ZNF287: variants seen among roughly 807,000 people sequenced by gnomAD.
ZNF287 encodes the protein zinc finger protein with KRAB and SCAN domains 13.
ZNF287 carries 31 observed loss-of-function variants against 73.7 expected under a neutral mutation model. The ratio of observed to expected loss-of-function variants is 0.42; its 90% confidence interval spans 0.32 to 0.57. The LOEUF is 0.57. Among genes scored for constraint, ZNF287 ranks in the 20% least tolerant of loss-of-function variants. ZNF287 has a pLI of 0.13. For synonymous variants in ZNF287, 301 were observed against 307.2 expected, an observed-to-expected ratio of 0.98 and a Z score of 0.21; for missense variants, 641 against 909.3, an observed-to-expected ratio of 0.70 and a Z score of 3.79.
Position 16,551,908 on chromosome 17 carries a change from G to T in ZNF287, c.2234C>A (p.Thr745Lys). 1 of 1,613,694 alleles carries T rather than the reference G, an allele frequency of 6.2e-7. No homozygotes were observed. Among genetic ancestry groups the T allele is most frequent in the Non-Finnish European group, 8.5e-7 (1 of 1,179,756 alleles). ...RICGKTFTQS[T>K]NLIQHQRVHT... is the part of the protein sequence containing the mutation. Reference sequence around the variant, plus strand: ...AACACGTTGATGCTGAATAAGGTTTGTACTCTGGGTGAAGGTTTTACCACA... The same window carrying T: ...AACACGTTGATGCTGAATAAGGTTTTTACTCTGGGTGAAGGTTTTACCACA... Residue 745 changes from threonine (T) to lysine (K), a missense_variant, in exon 6 of 6, where the codon ACA becomes AAA. Coordinates refer to ENST00000395825, the MANE Select transcript of ZNF287 (RefSeq NM_020653.4).
intron 5 of ZNF287, among the ~76,000 whole-genome samples, chr17:16,555,355 T>C (rs547892201): frequency 6.6e-5 from 10 of 152,296 alleles, no homozygotes; most frequent in African/African-American, 2.4e-4. Context: ...ATGCAGTTTG[T>C]TGTTGACCAA....
intron 5 of ZNF287, among the ~76,000 whole-genome samples, chr17:16,561,961 G>GAATGTTCAAA (rs1374123603): frequency 1.3e-5 from 2 of 152,150 alleles, no homozygotes; most frequent in Non-Finnish European, 2.9e-5. Flanking sequence ...TTATGTAGAA[G>GAATGTTCAAA]AATGTTCACG....
Position 16,567,401 on chromosome 17 carries a change from A to G in ZNF287, c.331T>C (p.Ser111Pro), listed in dbSNP as rs1364431962. Reference protein sequence around the residue: ...LPGEVRTWVKSQYPESSEEAV... With the variant: ...LPGEVRTWVKPQYPESSEEAV... ...TCCTCGCTGCTCTCTGGATACTGGG[A>G]CTTTACCCAAGTCCTAACCTCACCA... Residue 111 changes from serine to proline, a missense_variant, in exon 2 of 6, where the codon TCC becomes CCC. Coordinates refer to ENST00000395825, the MANE Select transcript of ZNF287 (RefSeq NM_020653.4). 6.2e-7 allele frequency: 1 copy of G among 1,614,118 alleles called. No homozygotes were observed. Among genetic ancestry groups the G allele is most frequent in the Admixed American group, 1.7e-5 (1 of 60,022 alleles).
chr17:16,553,002 G>A lies in ZNF287; in HGVS notation c.1140C>T (p.Tyr380=). 2 of 1,613,992 alleles carry A rather than the reference G, an allele frequency of 1.2e-6. No homozygotes were observed. The highest frequency in any genetic ancestry group is 1.7e-6 in the Non-Finnish European group (2 of 1,179,984). ...TACTTTGGTGTTTCAGGAGGGATGG[G>A]TATTTCCTAAATTTTTTCCCACACA... is the stretch of plus-strand genomic sequence containing the variant. ...CNVCGKKFRK[Y]PSLLKHQSTH... The change falls in exon 6 of 6, where the codon TAC becomes TAT. Residue 380 remains tyrosine (Y), a synonymous_variant. Coordinates refer to ENST00000395825, the MANE Select transcript of ZNF287 (RefSeq NM_020653.4).
chr17:16,560,528 T>C (rs1907375152), intron 5 of ZNF287, among the ~76,000 whole-genome samples: 1 of 151,266 alleles, frequency 6.6e-6, no homozygotes, highest in South Asian at 2.1e-4. Context: ...TTTTGTATTT[T>C]CAGTAGAGAC....
At chr17:16,563,361 A>G (rs183321293) in intron 4 of ZNF287, 129 bp from the exon 5 acceptor site, 10 of 652,968 alleles carry the variant, frequency 1.5e-5, no homozygotes, top group Admixed American at 1.5e-4. Flanking sequence ...ACATGATCTA[A>G]TAAGAGAATT....
chr17:16,563,910 G>A (rs1468781355), intron 3 of ZNF287, 85 bp from the exon 4 acceptor site: 1 of 1,474,190 alleles, frequency 6.8e-7, no homozygotes, highest in Non-Finnish European at 9.1e-7. Flanking sequence ...TATGGTGGGG[G>A]ACTGTCACAG....
chr17:16,556,165 G>GACACACACACACACACACAC lies in ZNF287; in HGVS notation c.716-2759_716-2740dup, dbSNP rs137989045. Among the ~76,000 whole-genome samples, 589 of 144,282 alleles carry GACACACACACACACACACAC rather than the reference G, an allele frequency of 4.1e-3. 2 individuals are homozygous for GACACACACACACACACACAC. The highest frequency in any genetic ancestry group is 0.014 in the African/African-American group (556 of 39,722). The allele number at this position is 144,282 out of a possible 152,430, so 94.7% of individuals were successfully genotyped here. ...GCTATTTGTGTTACAGACAGACACA[G>GACACACACACACACACACAC]ACACACACACACACACACACACACA... is the stretch of plus-strand genomic sequence containing the variant. On this transcript the variant is annotated intron_variant, in intron 5 of 5. Coordinates refer to ENST00000395825, the MANE Select transcript of ZNF287 (RefSeq NM_020653.4).
chr17:16,566,645 G>A (rs1907760214), intron 2 of ZNF287, 23 bp from the exon 3 acceptor site: 6 of 1,576,970 alleles, frequency 3.8e-6, no homozygotes, highest in African/African-American at 1.4e-5. Context: ...AAGAGGTCAT[G>A]AGGGAGATTA....
chr17:16,560,757 A>G (rs893428617), intron 5 of ZNF287, among the ~76,000 whole-genome samples: 1 of 151,854 alleles, frequency 6.6e-6, no homozygotes, highest in Non-Finnish European at 1.5e-5. Flanking sequence ...TAATCCCAGC[A>G]CTTTGGGAGG....
At position 16,552,750 on chromosome 17, in the gene ZNF287, A is replaced by G. The variant is rs1219129718; in HGVS notation, c.1392T>C (p.Arg464=). Reference sequence around the variant, plus strand: ...TCCTTTGATGGATGGTAAGGTGTGCACGCTGACTGAAGTCTTTCCCACAGT... The same window carrying G: ...TCCTTTGATGGATGGTAAGGTGTGCGCGCTGACTGAAGTCTTTCCCACAGT... ...CDDCGKDFSQ[R]AHLTIHQRTH... is the part of the protein sequence containing the mutation. Residue 464 remains arginine (R), a synonymous_variant, in exon 6 of 6, where the codon CGT becomes CGC. Coordinates refer to ENST00000395825, the MANE Select transcript of ZNF287 (RefSeq NM_020653.4). The surrounding 1 kb of genome is among the most constrained non-coding windows in gnomAD (Gnocchi z 6.5). 2 of 1,614,068 alleles carry G rather than the reference A, an allele frequency of 1.2e-6. No individual in the cohort carries two copies. The highest frequency in any genetic ancestry group is 1.1e-5 in the South Asian group (1 of 91,078).
At position 16,567,503 on chromosome 17, in the gene ZNF287, A is replaced by T. The variant is rs1248445207; in HGVS notation, c.229T>A (p.Trp77Arg). The change falls in exon 2 of 6, where the codon TGG becomes AGG. Residue 77 changes from tryptophan (W) to arginine (R), a missense_variant. Trp to Arg is a moderately radical substitution (Grantham distance 101). Around this residue, in one of 2 missense-constraint regions of ZNF287, gnomAD observed 357 missense variants for 442.4 expected, o/e 0.81. Coordinates refer to ENST00000395825, the MANE Select transcript of ZNF287 (RefSeq NM_020653.4). ...TTTGAGTGAATCTCAGGTCTCAGCC[A>T]CTTAAGGCAGAGCTCTCGGAGTTGA... ...LSQLRELCLK[W>R]LRPEIHSKEQ... 2 of 1,614,186 alleles carry T rather than the reference A, an allele frequency of 1.2e-6. No homozygotes were observed. The highest frequency in any genetic ancestry group is 1.7e-6 in the Non-Finnish European group (2 of 1,180,034).
Position 16,552,419 on chromosome 17 carries a change from G to A in ZNF287, c.1723C>T (p.His575Tyr). Residue 575 changes from histidine to tyrosine, a missense_variant, in exon 6 of 6, where the codon CAT (histidine) becomes TAT (tyrosine). His to Tyr is a moderately conservative substitution (Grantham distance 83, BLOSUM62 2). This residue lies in a region of ZNF287 where 284 missense variants were observed against 466.8 expected (regional missense o/e 0.61). Transcript: ENST00000395825. This position sits in a 1 kb window ranked among gnomAD's most constrained non-coding sequence, Gnocchi z 6.5. ...KCNECGKAFA[H>Y]SSTLIQHQTT... ...TGATGTTGAATAAGGGTTGAGGAAT[G>A]AGCAAAGGCTTTTCCACATTCATTA... The A allele has an allele frequency of 6.2e-7, 1 of 1,614,030 alleles. No homozygotes were observed. Among genetic ancestry groups the A allele is most frequent in the Non-Finnish European group, 8.5e-7 (1 of 1,179,960 alleles).
rs1284707299 is a variant in ZNF287 at position 16,553,352 on chromosome 17, T to C, written c.790A>G (p.Ile264Val). ...TAGTCATATGAGTCTTCTAATTTGA[T>C]GGTATGGGTTTCTTCCTTTGTGAGT... ...SKLTKEETHT[I>V]KLEDSYDYDD... The change falls in exon 6 of 6, where the codon ATC (isoleucine) becomes GTC (valine). Residue 264 changes from isoleucine to valine, a missense_variant. Physicochemically the swap from Ile to Val is conservative, Grantham distance 29. This residue lies in a region of ZNF287 where 357 missense variants were observed against 442.4 expected (regional missense o/e 0.81). Transcript: ENST00000395825. 8.1e-6 allele frequency: 13 copies of C among 1,612,016 alleles called. No individual in the cohort carries two copies. In the South Asian group the frequency reaches 1.3e-4, roughly 16 times the overall value.
chr17:16,557,243 AT>A (rs986778980), intron 5 of ZNF287, among the ~76,000 whole-genome samples: 1 of 152,218 alleles, frequency 6.6e-6, no homozygotes, highest in Non-Finnish European at 1.5e-5. Flanking sequence ...ACCAGAAAGG[AT>A]TGGTTAGAAG....
rs1906483649 is a variant in ZNF287 at position 16,549,230 on chromosome 17, A to G, written c.*2626T>C. ...AATAATTTGCGGGTCAGACAACTGT[A>G]AAAGTGGGAAAAATACACAAAGATC... On this transcript the variant is annotated 3_prime_UTR_variant, in exon 6 of 6. Coordinates refer to ENST00000395825, the MANE Select transcript of ZNF287 (RefSeq NM_020653.4). 6.6e-6 allele frequency among the ~76,000 whole-genome samples: 1 copy of G among 152,236 alleles called. No homozygotes were observed. The highest frequency in any genetic ancestry group is 2.1e-4 in the South Asian group (1 of 4,832).
At position 16,552,445 on chromosome 17, in the gene ZNF287, C is replaced by T; in HGVS notation, c.1697G>A (p.Cys566Tyr). The T allele has an allele frequency of 6.2e-7, 1 of 1,614,106 alleles. No homozygotes were observed. The highest frequency in any genetic ancestry group is 8.5e-7 in the Non-Finnish European group (1 of 1,179,980). Residue 566 changes from cysteine (C) to tyrosine (Y), a missense_variant, in exon 6 of 6, where the codon TGT becomes TAT. This residue lies in a region of ZNF287 where 284 missense variants were observed against 466.8 expected (regional missense o/e 0.61). Coordinates refer to ENST00000395825, the MANE Select transcript of ZNF287 (RefSeq NM_020653.4). The surrounding 1 kb of genome is among the most constrained non-coding windows in gnomAD (Gnocchi z 6.5). ...AGCAAAGGCTTTTCCACATTCATTACATTTATAACACTTCTCTCCAGAATG... is the reference window on the plus strand; with the variant it reads ...AGCAAAGGCTTTTCCACATTCATTATATTTATAACACTTCTCTCCAGAATG... The part of the protein sequence containing the change: ...RIHSGEKCYK[C>Y]NECGKAFAHS...
chr17:16,560,310 GTATATATATA>G (rs71152817), intron 5 of ZNF287, among the ~76,000 whole-genome samples: 2 of 112,880 alleles, frequency 1.8e-5, no homozygotes, highest in Non-Finnish European at 3.3e-5. Flanking sequence ...CAACAGTGGT[GTATATATATA>G]TATATATATA....
chr17:16,553,003 T>A lies in ZNF287; in HGVS notation c.1139A>T (p.Tyr380Phe). ...CNVCGKKFRK[Y>F]PSLLKHQSTH... ...ACTTTGGTGTTTCAGGAGGGATGGGTATTTCCTAAATTTTTTCCCACACAC... is the reference window on the plus strand; with the variant it reads ...ACTTTGGTGTTTCAGGAGGGATGGGAATTTCCTAAATTTTTTCCCACACAC... Residue 380 changes from tyrosine (Y) to phenylalanine (F), a missense_variant, in exon 6 of 6, where the codon TAC becomes TTC. Transcript: ENST00000395825. 1 of 1,614,108 alleles carries A rather than the reference T, an allele frequency of 6.2e-7. No homozygotes were observed. The highest frequency in any genetic ancestry group is 8.5e-7 in the Non-Finnish European group (1 of 1,180,002).
Sources: gnomAD v4.1 joint callset for allele counts (sites outside exome capture counted in the v4.1 genomes callset) on GRCh38, gnomAD v4.1.1 for gene constraint, gnomAD v4.1.1 regional missense constraint, Gnocchi (gnomAD v3.1) non-coding constraint, MANE v1.5 for transcripts, NCBI Gene and HGNC (gene_info 2026-07-23, HGNC 2026-07-21) for gene names.